The following CLEC1A variants were observed in gnomAD, a reference collection of about 807,000 sequenced individuals.
The protein encoded by CLEC1A is C-type lectin domain family 1 member A, also known as C-type lectin-like receptor-1.
In CLEC1A, 34 loss-of-function variants were observed where a neutral mutation model predicts 28.7. The ratio of observed to expected loss-of-function variants is 1.18; its 90% CI spans 0.90 to 1.57. The LOEUF (loss-of-function observed/expected upper bound fraction) is 1.57. CLEC1A is among the 40% of genes most tolerant of loss of function. The probability of loss-of-function intolerance (pLI) is 0.00; values close to 1 mark genes in which losing one functional copy is unlikely to be tolerated. For synonymous variants in CLEC1A, 116 were observed against 121.0 expected (o/e 0.96, Z 0.27); for missense variants, 385 against 339.5 (o/e 1.13, Z -1.05).
At chr12:10,072,779 A>G (rs954005692) in intron 5 of CLEC1A, among the ~76,000 whole-genome samples, 14 of 152,168 alleles carry the variant, frequency 9.2e-5, no homozygotes, top group Non-Finnish European at 1.9e-4. Context: ...GCTTATAAGC[A>G]GTTCAAAAGC....
rs1026035463 is a variant in CLEC1A, at chr12:10,070,194, C to T, written c.*1139G>A. ...CATTTCCCATGACCTGACTGGAAAT[C>T]ATGTGCACTAATGCAACTCAGCTTC... On this transcript the variant is annotated 3_prime_UTR_variant, in exon 6 of 6. Transcript: ENST00000315330. The T allele has an allele frequency of 3.9e-5, 6 of 152,170 alleles. No individual in the cohort carries two copies. In the East Asian group the frequency reaches 1.2e-3, roughly 29 times the overall value. 9.4% of individuals were successfully genotyped at this position (152,170 alleles called of 1,614,324 possible). A position where few individuals can be genotyped will look rare whatever the true frequency, so the allele number is the denominator to read the frequency against.
chr12:10,075,640 G>A lies in CLEC1A; in HGVS notation c.407C>T (p.Pro136Leu). 1 of 1,613,494 alleles carries A rather than the reference G, an allele frequency of 6.2e-7. No individual in the cohort carries two copies. The highest frequency in any genetic ancestry group is 8.5e-7 in the Non-Finnish European group (1 of 1,179,700). The stretch of plus-strand genomic sequence containing the variant: ...ATGCCATTTCCATTGTTCTGTACAA[G>A]GGCTGCACCTGTGTGCTTGGAAAAA... Reference protein sequence around the residue: ...YNKAGAHRCSPCTEQWKWHGD... With the variant: ...YNKAGAHRCSLCTEQWKWHGD... Residue 136 changes from proline to leucine, a missense_variant, in exon 4 of 6, where the codon CCT becomes CTT. Physicochemically the swap from Pro to Leu is moderately conservative, Grantham distance 98 (BLOSUM62 -3). Transcript: ENST00000315330.
chr12:10,090,808 GATTGCTCCTTTTTTTAAAAAA>G (rs1161259890), intron 1 of CLEC1A, among the ~76,000 whole-genome samples: 2 of 103,080 alleles, frequency 1.9e-5, no homozygotes, highest in African/African-American at 7.0e-5. Context: ...ACTTTTCACA[GATTGCTCCTTTTTTTAAAAAA>G]AATGGCAATT....
At chr12:10,073,154 A>T in intron 5 of CLEC1A, 139 bp downstream of exon 5, 1 of 648,950 alleles carries the variant, frequency 1.5e-6, no homozygotes. Context: ...AAATATCTTC[A>T]GGCATCCTCC....
At chr12:10,081,438 T>C (rs1398028533) in intron 2 of CLEC1A, 25 bp from the exon 3 acceptor site, 1 of 1,555,414 alleles carries the variant, frequency 6.4e-7, no homozygotes, top group Non-Finnish European at 8.7e-7. Flanking sequence ...CAAGTCAGAC[T>C]GGACAGCTTA....
intron 4 of CLEC1A, among the ~76,000 whole-genome samples, chr12:10,073,929 T>A (rs1307782430): frequency 6.6e-6 from 1 of 152,258 alleles, no homozygotes; most frequent in Non-Finnish European, 1.5e-5. Context: ...TAAATATTTA[T>A]GTGCACACAT....
intron 1 of CLEC1A, among the ~76,000 whole-genome samples, chr12:10,097,802 T>C (rs2137379918): frequency 6.6e-6 from 1 of 151,706 alleles, no homozygotes; most frequent in South Asian, 2.1e-4. Flanking sequence ...TTGTATCCTA[T>C]TACACATATC....
intron 2 of CLEC1A, among the ~76,000 whole-genome samples, chr12:10,083,664 G>T (rs1305435638): frequency 1.3e-5 from 2 of 152,004 alleles, no homozygotes; most frequent in East Asian, 1.9e-4. Context: ...GTAGAGATGG[G>T]GTTTCACCAT....
chr12:10,092,690 G>A (rs1397264767), intron 1 of CLEC1A, among the ~76,000 whole-genome samples: 1 of 152,122 alleles, frequency 6.6e-6, no homozygotes, highest in Non-Finnish European at 1.5e-5. Flanking sequence ...ACTGTGAAGT[G>A]AGGGCCTGGA....
intron 3 of CLEC1A, among the ~76,000 whole-genome samples, chr12:10,079,337 G>A (rs1469723794): frequency 6.6e-6 from 1 of 152,172 alleles, no homozygotes; most frequent in African/African-American, 2.4e-5. Flanking sequence ...GATTAAAACT[G>A]AGAACTGACA....
intron 1 of CLEC1A, among the ~76,000 whole-genome samples, chr12:10,090,135 C>G (rs1490507316): frequency 6.6e-6 from 1 of 152,196 alleles, no homozygotes; most frequent in Non-Finnish European, 1.5e-5. Flanking sequence ...CTCAAACAAA[C>G]TGTGATCTCT....
intron 1 of CLEC1A, among the ~76,000 whole-genome samples, chr12:10,090,573 T>TA (rs900730326): frequency 2.6e-5 from 4 of 151,996 alleles, no homozygotes; most frequent in African/African-American, 7.2e-5. Context: ...CAATTCTAGG[T>TA]AGAGATTTAT....
chr12:10,082,742 A>AC (rs35529135), intron 2 of CLEC1A, among the ~76,000 whole-genome samples: 119,193 of 152,086 alleles, frequency 0.78, 48,050 homozygotes, highest in Middle Eastern at 0.88. Flanking sequence ...CTGGAGGCCA[A>AC]CAACTCAAAC....
intron 2 of CLEC1A, among the ~76,000 whole-genome samples, chr12:10,083,276 A>G (rs532666827): frequency 6.6e-6 from 1 of 152,326 alleles, no homozygotes; most frequent in East Asian, 1.9e-4. Flanking sequence ...AGGAAACAGA[A>G]AAATAATTCT....
Position 10,069,774 on chromosome 12 carries a change from T to G in CLEC1A, c.*1559A>C, listed in dbSNP as rs1866088798. On this transcript the variant is annotated 3_prime_UTR_variant, in exon 6 of 6. Transcript: ENST00000315330. ...AACTTGCTCGACCCTGAAGAAAATT[T>G]TAAGGAAATCAACAGAAAATTGAAA... 6.6e-6 allele frequency: 1 copy of G among 152,004 alleles called. No homozygotes were observed. The highest frequency in any genetic ancestry group is 1.5e-5 in the Non-Finnish European group (1 of 67,992). 9.4% of individuals were successfully genotyped at this position (152,004 alleles called of 1,614,324 possible). A position where few individuals can be genotyped will look rare whatever the true frequency, so the allele number is the denominator to read the frequency against.
Position 10,075,519 on chromosome 12 carries a change from GT to G in CLEC1A, c.527del (p.Asn176ThrfsTer50). On this transcript the variant is annotated frameshift_variant, in exon 4 of 6. Coordinates refer to ENST00000315330, the MANE Select transcript of CLEC1A (RefSeq NM_016511.4). LOFTEE classifies it high-confidence loss of function. Reference protein sequence around the residue: ...LSENSTMLKINKQEDLEFAAS... With the variant: ...LSENSTMLKIXKQEDLEFAAS... ...AGAATCTTACCAGGTCTTCTTGTTT[GT>G]TTATCTTCAGCATGGTAGAGTTTTC... is the stretch of plus-strand genomic sequence containing the variant. 6.2e-7 allele frequency: 1 copy of G among 1,613,742 alleles called. No individual in the cohort carries two copies. The highest frequency in any genetic ancestry group is 1.1e-5 in the South Asian group (1 of 91,026).
chr12:10,082,530 C>T (rs985348444), intron 2 of CLEC1A, among the ~76,000 whole-genome samples: 3 of 152,160 alleles, frequency 2.0e-5, no homozygotes, highest in African/African-American at 7.2e-5. Context: ...AGTGGGAGCT[C>T]AGACCTGCCT....
At chr12:10,084,816 T>G (rs1196112988) in intron 2 of CLEC1A, among the ~76,000 whole-genome samples, 2 of 36,238 alleles carry the variant, frequency 5.5e-5, no homozygotes, top group Admixed American at 2.5e-4. Flanking sequence ...AGTGAGACTC[T>G]GTATCAAAAA....
chr12:10,086,473 G>C (rs1307834443), intron 2 of CLEC1A, among the ~76,000 whole-genome samples: 5 of 151,844 alleles, frequency 3.3e-5, no homozygotes, highest in Non-Finnish European at 5.9e-5. Flanking sequence ...GAAAAGGAGA[G>C]GAGATCCAAA....
Sources: allele counts gnomAD v4.1 joint callset (sites outside exome capture counted in the v4.1 genomes callset), GRCh38; gene constraint gnomAD v4.1.1; transcripts MANE v1.5; gene names NCBI Gene and HGNC (gene_info 2026-07-23, HGNC 2026-07-21).